UNKL: variants seen among roughly 807,000 people sequenced by gnomAD.
UNKL encodes the protein unk like zinc finger.
Under a neutral mutation model 78.0 loss-of-function variants are expected in UNKL, and 60 were observed. The ratio of observed to expected loss-of-function variants is 0.77; its 90% CI spans 0.63 to 0.95. The LOEUF (loss-of-function observed/expected upper bound fraction) is 0.95, where lower values mean the gene tolerates loss of function less well. UNKL is among the 40% of genes least tolerant of loss of function. The pLI is 0.00. For synonymous variants in UNKL, 608 were observed against 474.8 expected (o/e 1.28, Z -3.65); for missense variants, 1,159 against 1,045.7 (o/e 1.11, Z -1.49).
chr16:1,371,885 C>T (rs1006618193), intron 10 of UNKL, among the ~76,000 whole-genome samples: 5 of 152,332 alleles, frequency 3.3e-5, no homozygotes, highest in East Asian at 1.9e-4. Flanking sequence ...GCCTCTGACA[C>T]GCTGCTGCTG....
chr16:1,372,825 G>A (rs1282640800), intron 10 of UNKL, among the ~76,000 whole-genome samples: 40 of 149,422 alleles, frequency 2.7e-4, no homozygotes, highest in African/African-American at 9.0e-4. Context: ...AGCAGCGTGG[G>A]GCACACCGCA....
chr16:1,402,672 A>AAAAAG (rs1248082008), intron 3 of UNKL, among the ~76,000 whole-genome samples: 1 of 149,020 alleles, frequency 6.7e-6, no homozygotes, highest in Admixed American at 6.7e-5. Flanking sequence ...CAAAAAACAA[A>AAAAAG]AAAAGAAAAG....
chr16:1,399,025 G>A lies in UNKL; in HGVS notation c.734+349C>T, dbSNP rs1459171938. ...TGAGGAGACAGCATGCAGCCCACAG[G>A]CTGGAGAGCGTGGCTGCAACCAGAG... On this transcript the variant is annotated intron_variant, in intron 5 of 14. Transcript: ENST00000389221. This position sits in a 1 kb window ranked among gnomAD's most constrained non-coding sequence, Gnocchi z 5.8. The A allele has an allele frequency of 1.5e-5, 21 of 1,442,612 alleles. 1 individual carries two copies. The Admixed American group carries it at 5.5e-4, about 37-fold the overall frequency. The allele number at this position is 1,442,612 out of a possible 1,614,324, so 89.4% of individuals were successfully genotyped here. A position where few individuals can be genotyped will look rare whatever the true frequency, so the allele number is the denominator to read the frequency against.
chr16:1,366,890 G>GGAAAGGCGGCTCCCAGGGA lies in UNKL; in HGVS notation c.2046+183_2046+201dup, dbSNP rs71916852. On this transcript the variant is annotated intron_variant, in intron 14 of 14. Transcript: ENST00000389221. ...TGAAAGGGCAAGGGCCAGCCTGACA[G>GGAAAGGCGGCTCCCAGGGA]GAAAGGCGGCTCCCAGGGAGACAGG... is the stretch of plus-strand genomic sequence containing the variant. Among the ~76,000 whole-genome samples, 38 of 8,156 alleles carry GGAAAGGCGGCTCCCAGGGA rather than the reference G, an allele frequency of 4.7e-3. No individual in the cohort carries two copies. The East Asian group carries it at 0.41, about 87-fold the overall frequency. 5.4% of individuals were successfully genotyped at this position (8,156 alleles called of 152,430 possible).
Position 1,403,439 on chromosome 16 carries a change from A to C in UNKL, c.288-95T>G. 7.2e-7 allele frequency: 1 copy of C among 1,388,866 alleles called. No individual in the cohort carries two copies. The highest frequency in any genetic ancestry group is 9.8e-7 in the Non-Finnish European group (1 of 1,022,332). 86.0% of individuals were successfully genotyped at this position (1,388,866 alleles called of 1,614,324 possible). On this transcript the variant is annotated intron_variant, in intron 2 of 14. Transcript: ENST00000389221. This position sits in a 1 kb window ranked among gnomAD's most constrained non-coding sequence, Gnocchi z 4.8. ...CACGCCCTGTCAGCACGTGGCAAGCAGTGAATTCCCTTCCCTTCTTCCAGA... is the reference window on the plus strand; with the variant it reads ...CACGCCCTGTCAGCACGTGGCAAGCCGTGAATTCCCTTCCCTTCTTCCAGA...
intron 5 of UNKL, chr16:1,398,466 A>C: frequency 8.6e-7 from 1 of 1,156,264 alleles, no homozygotes; most frequent in East Asian, 6.1e-5. Context: ...TTTACTCGGA[A>C]GCTGCTCAGA....
intron 9 of UNKL, among the ~76,000 whole-genome samples, chr16:1,390,043 G>C (rs2036981087): frequency 6.6e-6 from 1 of 152,212 alleles, no homozygotes; most frequent in South Asian, 2.1e-4. Flanking sequence ...ATGCAGTGCA[G>C]TGGCACGATC....
In UNKL at chr16:1,370,173, C is replaced by T. The variant is rs1251145301; in HGVS notation, c.1542G>A (p.Glu514=). Residue 514 remains glutamate (E), a synonymous_variant, in exon 12 of 15, where the codon GAG becomes GAA. Coordinates refer to ENST00000389221, the MANE Select transcript of UNKL (RefSeq NM_001372107.1). ...PPQQPPPLRS[E]PGTLGSAASS... is the part of the protein sequence containing the mutation. ...AGGCTGCAGAGCCCAGTGTGCCCGGCTCTGAACGCAGGGGTGGCGGCTGCT... is the reference window on the plus strand; with the variant it reads ...AGGCTGCAGAGCCCAGTGTGCCCGGTTCTGAACGCAGGGGTGGCGGCTGCT... 6.6e-6 allele frequency: 10 copies of T among 1,516,612 alleles called. No individual in the cohort carries two copies. The highest frequency in any genetic ancestry group is 8.9e-6 in the Non-Finnish European group (10 of 1,127,462). The allele number at this position is 1,516,612 out of a possible 1,614,324, so 93.9% of individuals were successfully genotyped here. A position where few individuals can be genotyped will look rare whatever the true frequency, so the allele number is the denominator to read the frequency against.
intron 10 of UNKL, among the ~76,000 whole-genome samples, chr16:1,371,898 C>T (rs2035872949): frequency 6.6e-6 from 1 of 152,204 alleles, no homozygotes; most frequent in African/African-American, 2.4e-5. Context: ...TGCTGCTGCC[C>T]CTCAGAGTTT....
At chr16:1,370,447 T>G in intron 11 of UNKL, 90 bp from the exon 12 acceptor site, 16 of 1,349,420 alleles carry the variant, frequency 1.2e-5, no homozygotes, top group East Asian at 7.6e-5. Context: ...AGACGGACCC[T>G]GCAGGTGGTG....
At chr16:1,374,845 T>G (rs2036093882) in intron 10 of UNKL, among the ~76,000 whole-genome samples, 1 of 152,198 alleles carries the variant, frequency 6.6e-6, no homozygotes, top group Non-Finnish European at 1.5e-5. Flanking sequence ...AACCCCACTC[T>G]GCCGGGGAAG....
intron 2 of UNKL, among the ~76,000 whole-genome samples, chr16:1,406,596 T>A (rs1299175211): frequency 1.3e-5 from 2 of 152,078 alleles, no homozygotes; most frequent in African/African-American, 4.8e-5. Flanking sequence ...TGCCTAGGCC[T>A]CCTGAAGTAT....
chr16:1,363,364 A>G lies in UNKL; in HGVS notation c.*2876T>C, dbSNP rs1316075782. 1.1e-5 allele frequency: 5 copies of G among 451,334 alleles called. No individual in the cohort carries two copies. Among genetic ancestry groups the G allele is most frequent in the Admixed American group, 3.5e-5 (1 of 28,780 alleles). The allele number at this position is 451,334 out of a possible 1,614,324, so 28.0% of individuals were successfully genotyped here. A position where few individuals can be genotyped will look rare whatever the true frequency, so the allele number is the denominator to read the frequency against. On this transcript the variant is annotated 3_prime_UTR_variant, in exon 15 of 15. Coordinates refer to ENST00000389221, the MANE Select transcript of UNKL (RefSeq NM_001372107.1). ...ATTATAAATACTACCTTCTGGGTTA[A>G]GAAAATTCCATTCAAATAACATTCT...
chr16:1,414,222 C>T (rs2038176759), intron 1 of UNKL, 167 bp from the exon 2 acceptor site: 1 of 693,348 alleles, frequency 1.4e-6, no homozygotes, highest in Middle Eastern at 4.3e-4. Flanking sequence ...CGACTCCAGA[C>T]GCGACCCTCA....
At chr16:1,370,053 T>G in intron 12 of UNKL, 77 bp downstream of exon 12, 2 of 1,550,578 alleles carry the variant, frequency 1.3e-6, no homozygotes, top group Middle Eastern at 1.7e-4. Flanking sequence ...GTGAGGCCCC[T>G]CAGTCAGGAC....
chr16:1,413,729 T>C (rs1287587032), intron 2 of UNKL, 117 bp downstream of exon 2: 8 of 1,155,352 alleles, frequency 6.9e-6, no homozygotes, highest in Non-Finnish European at 9.5e-6. Context: ...TAATTACGAC[T>C]CCCTCTGCAG....
intron 10 of UNKL, chr16:1,379,569 G>A (rs2036498359): frequency 3.0e-6 from 3 of 985,214 alleles, no homozygotes; most frequent in African/African-American, 1.7e-5. Context: ...GCCCGCTCCT[G>A]ACCGCCGAGT....
intron 2 of UNKL, among the ~76,000 whole-genome samples, chr16:1,411,169 C>T (rs900569206): frequency 2.1e-4 from 32 of 152,028 alleles, no homozygotes; most frequent in African/African-American, 7.7e-4. Context: ...CCAGCCTGGA[C>T]AATGTAGCAA....
Position 1,367,233 on chromosome 16 carries a change from C to G in UNKL, c.1905G>C (p.Gln635His), listed in dbSNP as rs1395408051. 1 of 1,597,302 alleles carries G rather than the reference C, an allele frequency of 6.3e-7. No individual in the cohort carries two copies. Among genetic ancestry groups the G allele is most frequent in the African/African-American group, 1.3e-5 (1 of 74,576 alleles). The change falls in exon 14 of 15, where the codon CAG becomes CAC. Residue 635 changes from glutamine (Q) to histidine (H), a missense_variant. Transcript: ENST00000389221. ...CCAGGCCCTCCAGCTCCTCCTGCAG[C>G]TGCTTCACCTGTGCCTCCACCTCCT... Reference protein sequence around the residue: ...KKEEVEAQVKQLQEELEGLGV... With the variant: ...KKEEVEAQVKHLQEELEGLGV...
Sources: gnomAD v4.1 joint callset for allele counts (sites outside exome capture counted in the v4.1 genomes callset) on GRCh38, gnomAD v4.1.1 for gene constraint, Gnocchi (gnomAD v3.1) non-coding constraint, MANE v1.5 for transcripts, NCBI Gene and HGNC (gene_info 2026-07-23, HGNC 2026-07-21) for gene names.